UBE2E2: variants seen among roughly 807,000 people sequenced by gnomAD.
UBE2E2 encodes the protein ubiquitin-conjugating enzyme E2 E2.
Under a neutral mutation model 24.7 loss-of-function variants are expected in UBE2E2, and 6 were observed. That is an observed-to-expected ratio of 0.24 (90% CI 0.13 to 0.48). The LOEUF (loss-of-function observed/expected upper bound fraction) is 0.48, where lower values mean the gene tolerates loss of function less well. Ranked by LOEUF, UBE2E2 falls within the 20% of genes least tolerant of loss-of-function variation. The probability of loss-of-function intolerance (pLI) is 0.99; values close to 1 mark genes in which losing one functional copy is unlikely to be tolerated. For synonymous variants in UBE2E2, 104 were observed against 83.6 expected (o/e 1.24, Z -1.33); for missense variants, 169 against 245.0 (o/e 0.69, Z 2.07).
chr3:23,387,047 A>T (rs1451654984), intron 3 of UBE2E2, among the ~76,000 whole-genome samples: 1 of 152,210 alleles, frequency 6.6e-6, no homozygotes, highest in East Asian at 1.9e-4. Context: ...AAAGAACTCT[A>T]TTTGAGGCTA....
intron 5 of UBE2E2, among the ~76,000 whole-genome samples, chr3:23,550,067 A>C (rs1434136265): frequency 1.3e-5 from 2 of 151,938 alleles, no homozygotes; most frequent in Admixed American, 1.3e-4. Flanking sequence ...TTCTCAGCAT[A>C]AAATCTTTAG....
chr3:23,506,388 A>G (rs1024167386), intron 4 of UBE2E2, among the ~76,000 whole-genome samples: 3 of 152,208 alleles, frequency 2.0e-5, no homozygotes, highest in Admixed American at 1.3e-4. Context: ...CCCCATATCA[A>G]TGAATGTCAG....
At chr3:23,458,260 G>A (rs1218153280) in intron 3 of UBE2E2, among the ~76,000 whole-genome samples, 2 of 152,054 alleles carry the variant, frequency 1.3e-5, no homozygotes, top group African/African-American at 4.8e-5. Context: ...AGGGGAGAGA[G>A]TAGAAGGTGG....
chr3:23,465,847 A>G (rs1328996100), intron 3 of UBE2E2, among the ~76,000 whole-genome samples: 2 of 152,204 alleles, frequency 1.3e-5, no homozygotes, highest in East Asian at 1.9e-4. Flanking sequence ...TTGTTTAACT[A>G]TAACTCAGAG....
rs57708620 is a variant in UBE2E2 at position 23,291,849 on chromosome 3, A to ATTTTTTTTTTTTTTTTTT, written c.227+74547_227+74564dup. Among the ~76,000 whole-genome samples the ATTTTTTTTTTTTTTTTTT allele has an allele frequency of 7.8e-5, 5 of 64,054 alleles. 1 individual carries two copies. The highest frequency in any genetic ancestry group is 2.6e-4 in the Admixed American group (1 of 3,870). The allele number at this position is 64,054 out of a possible 152,430, so 42.0% of individuals were successfully genotyped here. A position where few individuals can be genotyped will look rare whatever the true frequency, so the allele number is the denominator to read the frequency against. ...AGATGTGTGCCACCATGCCCGGCTA[A>ATTTTTTTTTTTTTTTTTT]TTTTTTTTTTTTTTTTTTTTTTTTT... On this transcript the variant is annotated intron_variant, in intron 3 of 5. Coordinates refer to ENST00000396703, the MANE Select transcript of UBE2E2 (RefSeq NM_152653.4).
intron 3 of UBE2E2, among the ~76,000 whole-genome samples, chr3:23,229,931 A>G (rs780076740): frequency 6.6e-6 from 1 of 152,232 alleles, no homozygotes; most frequent in South Asian, 2.1e-4. Context: ...TTAAACTTAT[A>G]AGTATATGCT....
At chr3:23,208,613 T>C (rs2125315880) in intron 1 of UBE2E2, 79 bp from the exon 2 acceptor site, 1 of 1,146,098 alleles carries the variant, frequency 8.7e-7, no homozygotes, top group East Asian at 2.7e-5. Flanking sequence ...CTTGTTTTAC[T>C]TTGAGGCTCA....
chr3:23,499,745 G>A lies in UBE2E2; in HGVS notation c.360+5G>A. On this transcript the variant is annotated splice_donor_5th_base_variant and intron_variant, in intron 4 of 5. Transcript: ENST00000396703. ...TATCCGTTTAAACCCCCTAAGGTCA[G>A]TATGAAGTTTTCATTGATTTTTAGC... 6.2e-7 allele frequency: 1 copy of A among 1,607,718 alleles called. No homozygotes were observed. The highest frequency in any genetic ancestry group is 8.5e-7 in the Non-Finnish European group (1 of 1,178,460).
At chr3:23,314,096 G>T (rs1694500446) in intron 3 of UBE2E2, among the ~76,000 whole-genome samples, 1 of 152,018 alleles carries the variant, frequency 6.6e-6, no homozygotes, top group Non-Finnish European at 1.5e-5. Context: ...ATATCTTGTT[G>T]TACTGTCTAT....
intron 3 of UBE2E2, among the ~76,000 whole-genome samples, chr3:23,420,268 A>ATG (rs1697764401): frequency 6.6e-6 from 1 of 152,200 alleles, no homozygotes; most frequent in South Asian, 2.1e-4. Flanking sequence ...TAAATGCTTA[A>ATG]TGAGGGTATA....
intron 3 of UBE2E2, among the ~76,000 whole-genome samples, chr3:23,471,454 T>C (rs1322120245): frequency 2.0e-5 from 3 of 152,100 alleles, no homozygotes; most frequent in Non-Finnish European, 4.4e-5. Context: ...GAAGCAAATG[T>C]AAGGAAACAA....
intron 5 of UBE2E2, among the ~76,000 whole-genome samples, chr3:23,559,804 C>A (rs918578534): frequency 2.6e-5 from 4 of 152,082 alleles, no homozygotes; most frequent in African/African-American, 9.7e-5. Flanking sequence ...CTTTTGTTAT[C>A]TTTATAGGAA....
intron 3 of UBE2E2, among the ~76,000 whole-genome samples, chr3:23,433,795 C>T (rs1698120418): frequency 6.6e-6 from 1 of 151,808 alleles, no homozygotes; most frequent in Non-Finnish European, 1.5e-5. Flanking sequence ...AAATTTACAA[C>T]TTCCAAGAAA....
rs576004268 is a variant in UBE2E2 at position 23,425,857 on chromosome 3, A to G, written c.228-73751A>G. Among the ~76,000 whole-genome samples, 63 of 152,192 alleles carry G rather than the reference A, an allele frequency of 4.1e-4. 3 individuals carry two copies. In the South Asian group the frequency reaches 0.013, roughly 32 times the overall value. The stretch of plus-strand genomic sequence containing the variant: ...TCCAGCTCTCAAGAAAAAAATTACA[A>G]GTGTACTAGAAGGCAAATAATACAC... On this transcript the variant is annotated intron_variant, in intron 3 of 5. Coordinates refer to ENST00000396703, the MANE Select transcript of UBE2E2 (RefSeq NM_152653.4).
At chr3:23,326,499 G>A (rs1368306399) in intron 3 of UBE2E2, among the ~76,000 whole-genome samples, 1 of 152,082 alleles carries the variant, frequency 6.6e-6, no homozygotes, top group African/African-American at 2.4e-5. Flanking sequence ...AGATTTTTAT[G>A]TTCTTAAATT....
intron 3 of UBE2E2, among the ~76,000 whole-genome samples, chr3:23,351,572 G>A (rs1215885845): frequency 6.6e-6 from 1 of 152,088 alleles, no homozygotes; most frequent in Non-Finnish European, 1.5e-5. Context: ...AAAAAAGGCA[G>A]GGGTTGCAAT....
intron 3 of UBE2E2, among the ~76,000 whole-genome samples, chr3:23,393,421 T>C (rs935308098): frequency 1.3e-5 from 2 of 152,220 alleles, no homozygotes; most frequent in South Asian, 2.1e-4. Flanking sequence ...ATGTGGTCGC[T>C]GGACCAGCAG....
chr3:23,272,241 C>T (rs1344611923), intron 3 of UBE2E2, among the ~76,000 whole-genome samples: 3 of 152,186 alleles, frequency 2.0e-5, no homozygotes, highest in African/African-American at 4.8e-5. Flanking sequence ...GGGGATCCGG[C>T]GCTCCCTGGC....
intron 4 of UBE2E2, among the ~76,000 whole-genome samples, chr3:23,531,917 C>G (rs973050442): frequency 4.6e-5 from 7 of 151,996 alleles, no homozygotes; most frequent in Non-Finnish European, 7.4e-5. Flanking sequence ...CAAAAATTAG[C>G]TGGGTGTGGT....
Sources: allele counts gnomAD v4.1 joint callset (sites outside exome capture counted in the v4.1 genomes callset), GRCh38; gene constraint gnomAD v4.1.1; transcripts MANE v1.5; gene names NCBI Gene and HGNC (gene_info 2026-07-23, HGNC 2026-07-21).